Variants in TGFA observed in about 807,000 individuals in gnomAD.
TGFA encodes the protein transforming growth factor alpha.
A neutral mutation model predicts 21.7 loss-of-function variants in TGFA; 12 were observed. The observed-to-expected ratio is 0.55, with a 90% CI of 0.35 to 0.90. TGFA has a LOEUF of 0.90. Ranked by LOEUF, TGFA falls within the 40% of genes least tolerant of loss-of-function variation. The pLI is 0.01. For synonymous variants in TGFA, 79 were observed against 88.1 expected (o/e 0.90, Z 0.58); for missense variants, 178 against 210.8 (o/e 0.84, Z 0.96).
In TGFA at chr2:70,523,017, C is replaced by A. The variant is rs527695631; in HGVS notation, c.41-8105G>T. On this transcript the variant is annotated intron_variant, in intron 1 of 5. Coordinates refer to ENST00000295400, the MANE Select transcript of TGFA (RefSeq NM_003236.4). ...GGTGGTAAGTTAAATCTGTGTTTTTCTATTTAAATGATATTAAATATTCCC... is the reference window on the plus strand; with the variant it reads ...GGTGGTAAGTTAAATCTGTGTTTTTATATTTAAATGATATTAAATATTCCC... Among the ~76,000 whole-genome samples, 8 of 152,198 alleles carry A rather than the reference C, an allele frequency of 5.3e-5. No homozygotes were observed. In the South Asian group the frequency reaches 1.7e-3, roughly 32 times the overall value.
intron 2 of TGFA, among the ~76,000 whole-genome samples, chr2:70,498,153 A>G (rs1312692567): frequency 1.3e-5 from 2 of 152,264 alleles, no homozygotes; most frequent in African/African-American, 4.8e-5. Context: ...TGGGTGAAAG[A>G]GCTGGAGCAG....
chr2:70,470,587 C>T (rs1469011067), intron 2 of TGFA, among the ~76,000 whole-genome samples: 1 of 152,166 alleles, frequency 6.6e-6, no homozygotes, highest in African/African-American at 2.4e-5. Flanking sequence ...CCCGTGTAAA[C>T]CATCAGTTCT....
At chr2:70,542,289 C>T (rs1476867353) in intron 1 of TGFA, among the ~76,000 whole-genome samples, 8 of 152,078 alleles carry the variant, frequency 5.3e-5, no homozygotes, top group Admixed American at 5.2e-4. Flanking sequence ...AACTATTAGC[C>T]AGTTAATCTC....
chr2:70,461,327 T>C (rs1670399951), intron 3 of TGFA, among the ~76,000 whole-genome samples: 1 of 152,154 alleles, frequency 6.6e-6, no homozygotes, highest in African/African-American at 2.4e-5. Flanking sequence ...GATGGATCTA[T>C]GTAAGGGGGC....
chr2:70,462,140 G>C (rs1233879142), intron 3 of TGFA, among the ~76,000 whole-genome samples: 1 of 152,206 alleles, frequency 6.6e-6, no homozygotes, highest in Non-Finnish European at 1.5e-5. Context: ...ACCAGGATGT[G>C]TGTGTCAGCT....
intron 2 of TGFA, among the ~76,000 whole-genome samples, chr2:70,485,386 C>T (rs1015260333): frequency 3.3e-5 from 5 of 152,002 alleles, no homozygotes; most frequent in Middle Eastern, 3.2e-3. Flanking sequence ...TACAGGTGCC[C>T]GCCACCGTGC....
intron 1 of TGFA, among the ~76,000 whole-genome samples, chr2:70,537,643 A>C (rs528684354): frequency 6.6e-6 from 1 of 152,212 alleles, no homozygotes; most frequent in Non-Finnish European, 1.5e-5. Flanking sequence ...ACCAAAGCCT[A>C]CTCCAGAGTA....
intron 2 of TGFA, among the ~76,000 whole-genome samples, chr2:70,512,258 C>T (rs1224765715): frequency 3.3e-5 from 5 of 152,168 alleles, no homozygotes; most frequent in African/African-American, 9.7e-5. Flanking sequence ...GTAAATAACT[C>T]TGGAAAGAGT....
chr2:70,472,689 T>C (rs1670793291), intron 2 of TGFA, among the ~76,000 whole-genome samples: 2 of 152,172 alleles, frequency 1.3e-5, no homozygotes, highest in African/African-American at 4.8e-5. Context: ...AATCACCCCC[T>C]TTAAAAGCAG....
In TGFA at chr2:70,479,685, A is replaced by G. The variant is rs565865352; in HGVS notation, c.95-13949T>C. 9.3e-5 allele frequency among the ~76,000 whole-genome samples: 14 copies of G among 150,288 alleles called. No homozygotes were observed. In the South Asian group the frequency reaches 2.3e-3, roughly 25 times the overall value. On this transcript the variant is annotated intron_variant, in intron 2 of 5. Transcript: ENST00000295400. ...GTTTTTCAGTCCTGAGTTCTGGGAG[A>G]AATTTTCCAGCCCATTAAAAAAAAT...
chr2:70,521,908 G>A (rs13408696), intron 1 of TGFA, among the ~76,000 whole-genome samples: 1 of 151,992 alleles, frequency 6.6e-6, no homozygotes, highest in African/African-American at 2.4e-5. Flanking sequence ...CCACCGTACC[G>A]AACCTATTGA....
intron 5 of TGFA, among the ~76,000 whole-genome samples, chr2:70,452,247 C>G (rs782195509): frequency 4.6e-5 from 7 of 152,140 alleles, no homozygotes; most frequent in Non-Finnish European, 1.0e-4. Flanking sequence ...ACGATGGGCT[C>G]TCTTGGTCAA....
chr2:70,545,616 T>G (rs1020614595), intron 1 of TGFA, among the ~76,000 whole-genome samples: 12 of 152,194 alleles, frequency 7.9e-5, no homozygotes, highest in African/African-American at 2.2e-4. Flanking sequence ...AGATAAAATA[T>G]TTCAACATAA....
chr2:70,501,325 T>C (rs1220101065), intron 2 of TGFA, among the ~76,000 whole-genome samples: 1 of 151,828 alleles, frequency 6.6e-6, no homozygotes, highest in African/African-American at 2.4e-5. Flanking sequence ...CCTGCATCCT[T>C]CCTAACACCA....
intron 2 of TGFA, among the ~76,000 whole-genome samples, chr2:70,477,531 C>G (rs1670975962): frequency 6.6e-6 from 1 of 152,204 alleles, no homozygotes. Context: ...AATCCAAAGT[C>G]CTTTTTCTCC....
chr2:70,485,703 C>G (rs1671251470), intron 2 of TGFA, among the ~76,000 whole-genome samples: 1 of 152,170 alleles, frequency 6.6e-6, no homozygotes. Flanking sequence ...CTGATCAGCT[C>G]AGTGGCTCTT....
At chr2:70,507,322 A>G (rs1553500292) in intron 2 of TGFA, among the ~76,000 whole-genome samples, 1 of 152,268 alleles carries the variant, frequency 6.6e-6, no homozygotes, top group African/African-American at 2.4e-5. Flanking sequence ...ATTCACATAT[A>G]GTCTCATTAA....
chr2:70,485,202 C>G (rs1281620593), intron 2 of TGFA, among the ~76,000 whole-genome samples: 1 of 152,128 alleles, frequency 6.6e-6, no homozygotes, highest in Non-Finnish European at 1.5e-5. Flanking sequence ...CTCTCAAGCT[C>G]ACCCTTCCTA....
chr2:70,551,762 T>C (rs3771472), intron 1 of TGFA, among the ~76,000 whole-genome samples: 36,789 of 151,906 alleles, frequency 0.24, 5,000 homozygotes, highest in East Asian at 0.35. Flanking sequence ...TGTGAGCAAG[T>C]TTTTACATAT....
Sources: allele counts gnomAD v4.1 joint callset (sites outside exome capture counted in the v4.1 genomes callset), GRCh38; gene constraint gnomAD v4.1.1; transcripts MANE v1.5; gene names NCBI Gene and HGNC (gene_info 2026-07-23, HGNC 2026-07-21).